The following ITFG1 variants were observed in gnomAD, a reference collection of about 807,000 sequenced individuals.
The protein encoded by ITFG1 is integrin alpha FG-GAP repeat containing 1.
In ITFG1, 34 loss-of-function variants were observed where a neutral mutation model predicts 81.8. The observed-to-expected ratio is 0.42, with a 90% CI of 0.32 to 0.55. The LOEUF (loss-of-function observed/expected upper bound fraction) is 0.55. Ranked by LOEUF, ITFG1 falls within the 20% of genes least tolerant of loss-of-function variation. The pLI is 0.17. For synonymous variants in ITFG1, 285 were observed against 270.6 expected (o/e 1.05, Z -0.52); for missense variants, 672 against 755.4 (o/e 0.89, Z 1.29).
chr16:47,176,953 C>CTTTT (rs746522529), intron 14 of ITFG1, among the ~76,000 whole-genome samples: 5 of 135,198 alleles, frequency 3.7e-5, no homozygotes, highest in African/African-American at 5.4e-5. Context: ...TCTTCTTCTT[C>CTTTT]TTTTTTTTTT....
chr16:47,205,950 C>T (rs1247822128), intron 14 of ITFG1, among the ~76,000 whole-genome samples: 1 of 152,172 alleles, frequency 6.6e-6, no homozygotes, highest in Non-Finnish European at 1.5e-5. Flanking sequence ...ACTGCAACCT[C>T]TGCCTCCTGG....
chr16:47,307,530 T>C (rs139754209), intron 10 of ITFG1, among the ~76,000 whole-genome samples: 2 of 152,312 alleles, frequency 1.3e-5, no homozygotes, highest in East Asian at 1.9e-4. Flanking sequence ...CTAATGAAGT[T>C]GGAGTTGGTT....
chr16:47,211,085 A>G (rs541113654), intron 14 of ITFG1, among the ~76,000 whole-genome samples: 1 of 152,248 alleles, frequency 6.6e-6, no homozygotes, highest in South Asian at 2.1e-4. Context: ...CGTGGAAAGG[A>G]ATTGTGTTAA....
At chr16:47,409,207 G>A (rs1021503620) in intron 6 of ITFG1, among the ~76,000 whole-genome samples, 14 of 149,712 alleles carry the variant, frequency 9.4e-5, no homozygotes, top group South Asian at 4.2e-4. Flanking sequence ...TGAGTCTCTC[G>A]AGAGAAAAAC....
Position 47,352,453 on chromosome 16 carries a change from A to G in ITFG1, c.802+13335T>C, listed in dbSNP as rs578216789. Among the ~76,000 whole-genome samples, 599 of 152,350 alleles carry G rather than the reference A, an allele frequency of 3.9e-3. 3 individuals carry two copies. Among genetic ancestry groups the G allele is most frequent in the African/African-American group, 0.014 (572 of 41,580 alleles). ...CATTTATGCAGCCAAAAAACACATG[A>G]AAAAATGCTCATCATCACTGGCCAT... On this transcript the variant is annotated intron_variant, in intron 8 of 17. Coordinates refer to ENST00000320640, the MANE Select transcript of ITFG1 (RefSeq NM_030790.5).
At chr16:47,399,623 A>G (rs11865790) in intron 6 of ITFG1, among the ~76,000 whole-genome samples, 19,900 of 152,004 alleles carry the variant, frequency 0.13, 2,965 homozygotes, top group African/African-American at 0.37. Context: ...ATCTGTTATC[A>G]GCTACAATAA....
intron 5 of ITFG1, among the ~76,000 whole-genome samples, chr16:47,438,336 T>C (rs768668467): frequency 1.3e-5 from 2 of 151,876 alleles, no homozygotes; most frequent in Non-Finnish European, 2.9e-5. Flanking sequence ...TTGAAGAGAG[T>C]AGTGGTTCTC....
intron 8 of ITFG1, among the ~76,000 whole-genome samples, chr16:47,326,193 CA>C (rs1271004420): frequency 1.3e-5 from 2 of 152,190 alleles, no homozygotes; most frequent in Non-Finnish European, 2.9e-5. Context: ...ACACCTAATA[CA>C]GCATATAAAC....
chr16:47,314,327 A>G (rs1967317413), intron 8 of ITFG1, among the ~76,000 whole-genome samples: 1 of 152,210 alleles, frequency 6.6e-6, no homozygotes, highest in African/African-American at 2.4e-5. Context: ...AAATAAGCAT[A>G]TCAACAGTAG....
chr16:47,163,601 C>T (rs1207097568), intron 14 of ITFG1, among the ~76,000 whole-genome samples: 3 of 152,120 alleles, frequency 2.0e-5, no homozygotes, highest in African/African-American at 7.2e-5. Flanking sequence ...CTGCTGTGAA[C>T]ATTCATATAC....
intron 6 of ITFG1, among the ~76,000 whole-genome samples, chr16:47,385,324 TACAC>T (rs1233552688): frequency 2.6e-5 from 4 of 152,218 alleles, no homozygotes; most frequent in Admixed American, 2.0e-4. Context: ...TAATGTAAAA[TACAC>T]ACTAAATACA....
chr16:47,202,405 T>A (rs1015900069), intron 14 of ITFG1: 1 of 152,156 alleles, frequency 6.6e-6, no homozygotes, highest in Non-Finnish European at 1.5e-5. Context: ...AAACTAAATA[T>A]TAGAAACAAA....
intron 2 of ITFG1, 89 bp from the exon 3 acceptor site, chr16:47,454,247 G>T: frequency 8.8e-7 from 1 of 1,136,866 alleles, no homozygotes; most frequent in Non-Finnish European, 1.3e-6. Flanking sequence ...TATTTTCAAT[G>T]AAAAACTTAA....
intron 6 of ITFG1, among the ~76,000 whole-genome samples, chr16:47,395,780 A>C (rs1968585736): frequency 6.6e-6 from 1 of 152,240 alleles, no homozygotes; most frequent in African/African-American, 2.4e-5. Flanking sequence ...TTAATAATGA[A>C]AATATACAAT....
chr16:47,340,435 G>A (rs1286021932), intron 8 of ITFG1, among the ~76,000 whole-genome samples: 1 of 152,118 alleles, frequency 6.6e-6, no homozygotes, highest in Non-Finnish European at 1.5e-5. Flanking sequence ...GAGTTTTTGT[G>A]TGGTATTACA....
chr16:47,451,332 TCCAATGG>T, intron 5 of ITFG1, 57 bp downstream of exon 5: 2 of 871,806 alleles, frequency 2.3e-6, no homozygotes, highest in Non-Finnish European at 1.8e-6. Context: ...CTATTTTTTC[TCCAATGG>T]TTAAAGTAGA....
intron 5 of ITFG1, 89 bp downstream of exon 5, chr16:47,451,307 A>C: frequency 1.4e-6 from 1 of 697,266 alleles, no homozygotes; most frequent in South Asian, 2.0e-5. Flanking sequence ...CTTTAAAAAC[A>C]AGGATTCCAA....
chr16:47,349,565 C>T (rs79769919), intron 8 of ITFG1, among the ~76,000 whole-genome samples: 2 of 152,236 alleles, frequency 1.3e-5, no homozygotes, highest in East Asian at 3.9e-4. Flanking sequence ...TACAGCAAGT[C>T]CTTAGAGACC....
At chr16:47,336,359 C>T (rs1967703395) in intron 8 of ITFG1, among the ~76,000 whole-genome samples, 1 of 152,198 alleles carries the variant, frequency 6.6e-6, no homozygotes, top group African/African-American at 2.4e-5. Flanking sequence ...TTTTTCCTTG[C>T]CCTTGTCCTG....
Sources: allele counts gnomAD v4.1 joint callset (sites outside exome capture counted in the v4.1 genomes callset), GRCh38; gene constraint gnomAD v4.1.1; transcripts MANE v1.5; gene names NCBI Gene and HGNC (gene_info 2026-07-23, HGNC 2026-07-21).